SOS1: variants seen among roughly 807,000 people sequenced by gnomAD.
SOS1 encodes the protein SOS Ras/Rac guanine nucleotide exchange factor 1.
SOS1 carries 25 observed loss-of-function variants against 157.6 expected under a neutral mutation model. The observed-to-expected ratio is 0.16, with a 90% CI of 0.12 to 0.22. The LOEUF (loss-of-function observed/expected upper bound fraction) is 0.22, where lower values mean the gene tolerates loss of function less well. Ranked by LOEUF, SOS1 falls within the 10% of genes least tolerant of loss-of-function variation. The probability of loss-of-function intolerance (pLI) is 1.00; values close to 1 mark genes in which losing one functional copy is unlikely to be tolerated. For synonymous variants in SOS1, 528 were observed against 534.0 expected (o/e 0.99, Z 0.16); for missense variants, 1,237 against 1,599.1 (o/e 0.77, Z 3.86).
intron 6 of SOS1, among the ~76,000 whole-genome samples, chr2:39,040,529 C>T (rs1484184442): frequency 6.6e-6 from 1 of 152,140 alleles, no homozygotes; most frequent in Admixed American, 6.5e-5. Flanking sequence ...TATTTTCTGT[C>T]TCTATGAATT....
intron 15 of SOS1, 54 bp from the exon 16 acceptor site, chr2:39,007,247 A>C: frequency 8.8e-7 from 1 of 1,132,708 alleles, no homozygotes; most frequent in South Asian, 1.2e-5. Flanking sequence ...CAATAAAGTT[A>C]TAGCTTAAAG....
intron 1 of SOS1, among the ~76,000 whole-genome samples, chr2:39,110,341 T>C (rs1203295413): frequency 6.6e-6 from 1 of 152,128 alleles, no homozygotes; most frequent in African/African-American, 2.4e-5. Context: ...TAGATGCAAT[T>C]TCCCCCCATC....
intron 1 of SOS1, among the ~76,000 whole-genome samples, chr2:39,108,551 A>G (rs1249863665): frequency 1.3e-5 from 2 of 152,218 alleles, no homozygotes; most frequent in East Asian, 3.9e-4. Flanking sequence ...CCATTCACTC[A>G]TTCATTCATT....
Position 39,042,397 on chromosome 2 carries a change from GTATT to G in SOS1, c.865-6901_865-6898del, listed in dbSNP as rs759967184. On this transcript the variant is annotated intron_variant, in intron 6 of 22. Transcript: ENST00000402219. ...ATCTTCCTTGTGAATCTAATTTTAT[GTATT>G]TATTTATTTATTTATTTTTTGAGAT... 1.9e-3 allele frequency among the ~76,000 whole-genome samples: 294 copies of G among 151,900 alleles called. 2 individuals are homozygous for G. The highest frequency in any genetic ancestry group is 6.0e-3 in the African/African-American group (248 of 41,456).
At chr2:38,999,012 A>C (rs188381519) in intron 17 of SOS1, among the ~76,000 whole-genome samples, 1 of 152,354 alleles carries the variant, frequency 6.6e-6, no homozygotes, top group South Asian at 2.1e-4. Context: ...AGGAGGTGCT[A>C]TATTAGTAGG....
rs575994864 is a variant in SOS1 at position 39,101,102 on chromosome 2, G to A, written c.87+19234C>T. Among the ~76,000 whole-genome samples the A allele has an allele frequency of 5.9e-5, 9 of 152,344 alleles. No individual in the cohort carries two copies. In the East Asian group the frequency reaches 1.7e-3, roughly 29 times the overall value. On this transcript the variant is annotated intron_variant, in intron 1 of 22. Transcript: ENST00000402219. ...TACAAGAAGCGTGCCGCTAGCATCTGCTTCTGGTAAGGACCTCAGGAGGTT... is the reference window on the plus strand; with the variant it reads ...TACAAGAAGCGTGCCGCTAGCATCTACTTCTGGTAAGGACCTCAGGAGGTT...
intron 10 of SOS1, among the ~76,000 whole-genome samples, chr2:39,021,506 T>G (rs1326714437): frequency 7.0e-6 from 1 of 143,302 alleles, no homozygotes; most frequent in Admixed American, 7.2e-5. Context: ...GTAGTAAGTC[T>G]TCTTACAATG....
chr2:39,105,026 C>T (rs1558515391), intron 1 of SOS1, among the ~76,000 whole-genome samples: 1 of 151,810 alleles, frequency 6.6e-6, no homozygotes, highest in African/African-American at 2.4e-5. Context: ...TATTTCACCA[C>T]AATAAAAAAA....
chr2:39,039,219 A>C (rs1670469454), intron 6 of SOS1, among the ~76,000 whole-genome samples: 1 of 152,262 alleles, frequency 6.6e-6, no homozygotes, highest in Non-Finnish European at 1.5e-5. Context: ...TAAGCCAAAA[A>C]AATAGTGACT....
At position 38,985,820 on chromosome 2, in the gene SOS1, G is replaced by A. The variant is rs188849286; in HGVS notation, c.*4C>T. 1.8e-4 allele frequency: 292 copies of A among 1,613,654 alleles called. No homozygotes were observed. The highest frequency in any genetic ancestry group is 6.8e-4 in the Admixed American group (41 of 59,980). ...GGAAAATATACATCCCAGTACAGAG[G>A]AACTCAGGAAGAATGGGCATTCTCC... On this transcript the variant is annotated 3_prime_UTR_variant, in exon 23 of 23. Transcript: ENST00000402219.
In SOS1 at chr2:39,038,817, T is replaced by C. The variant is rs193167964; in HGVS notation, c.865-3317A>G. On this transcript the variant is annotated intron_variant, in intron 6 of 22. Coordinates refer to ENST00000402219, the MANE Select transcript of SOS1 (RefSeq NM_005633.4). ...AACATTTTTATGACAACAAAGGACTTAGAATATTACATCAACTTAGTTGAT... is the reference window on the plus strand; with the variant it reads ...AACATTTTTATGACAACAAAGGACTCAGAATATTACATCAACTTAGTTGAT... Among the ~76,000 whole-genome samples, 4 of 149,952 alleles carry C rather than the reference T, an allele frequency of 2.7e-5. No homozygotes were observed. In the South Asian group the frequency reaches 6.3e-4, roughly 24 times the overall value.
At chr2:38,987,344 T>C in intron 22 of SOS1, 129 bp downstream of exon 22, 1 of 684,822 alleles carries the variant, frequency 1.5e-6, no homozygotes, top group South Asian at 1.6e-5. Context: ...TATGTAATCC[T>C]TGTTTAAACT....
chr2:39,074,412 C>T (rs879830493), intron 1 of SOS1, among the ~76,000 whole-genome samples: 1 of 149,968 alleles, frequency 6.7e-6, no homozygotes. Context: ...CCCATCTCTA[C>T]CAAAAATACA....
At chr2:39,031,433 T>C (rs1356703399) in intron 8 of SOS1, among the ~76,000 whole-genome samples, 1 of 152,074 alleles carries the variant, frequency 6.6e-6, no homozygotes, top group African/African-American at 2.4e-5. Context: ...TTGCTAACCT[T>C]TAAAATATTG....
chr2:39,025,639 C>G (rs1029424299), intron 8 of SOS1, among the ~76,000 whole-genome samples: 1 of 152,078 alleles, frequency 6.6e-6, no homozygotes, highest in Admixed American at 6.5e-5. Context: ...GGATTACAGG[C>G]GTAAGCCACC....
chr2:39,116,846 CAAACAAACAAAACAA>C (rs963637138), intron 1 of SOS1, among the ~76,000 whole-genome samples: 39 of 152,058 alleles, frequency 2.6e-4, no homozygotes, highest in African/African-American at 9.2e-4. Context: ...TGTCTCAAAA[CAAACAAACAAAACAA>C]AAACAAACAA....
intron 2 of SOS1, among the ~76,000 whole-genome samples, chr2:39,063,024 C>T (rs1331781333): frequency 6.6e-6 from 1 of 151,970 alleles, no homozygotes; most frequent in South Asian, 2.1e-4. Context: ...ATCCATGGTT[C>T]TACATCTGTG....
At chr2:39,053,625 A>T (rs1671099306) in intron 5 of SOS1, among the ~76,000 whole-genome samples, 1 of 152,124 alleles carries the variant, frequency 6.6e-6, no homozygotes, top group African/African-American at 2.4e-5. Flanking sequence ...CTCTGTAGTG[A>T]GCACTGTTTC....
chr2:39,035,917 A>G lies in SOS1; in HGVS notation c.865-417T>C, dbSNP rs146461889. On this transcript the variant is annotated intron_variant, in intron 6 of 22. Transcript: ENST00000402219. ...GTTTTTATAGTTCTCAGTGGTGGACATGTACTTTCGTATTCTATAAACCAG... is the reference window on the plus strand; with the variant it reads ...GTTTTTATAGTTCTCAGTGGTGGACGTGTACTTTCGTATTCTATAAACCAG... 8.3e-3 allele frequency among the ~76,000 whole-genome samples: 1,260 copies of G among 152,362 alleles called. 7 individuals carry two copies. The highest frequency in any genetic ancestry group is 0.014 in the Middle Eastern group (4 of 294).
Sources: allele counts gnomAD v4.1 joint callset (sites outside exome capture counted in the v4.1 genomes callset), GRCh38; gene constraint gnomAD v4.1.1; transcripts MANE v1.5; gene names NCBI Gene and HGNC (gene_info 2026-07-23, HGNC 2026-07-21).